The following POLR2F variants were observed in gnomAD, a reference collection of about 807,000 sequenced individuals.
The protein encoded by POLR2F is RNA polymerase II, I and III subunit F, also known as DNA-directed RNA polymerases I, II, and III subunit RPABC2.
In POLR2F, 12 loss-of-function variants were observed where a neutral mutation model predicts 22.7. The observed-to-expected ratio is 0.53, with a 90% CI of 0.34 to 0.86. The LOEUF (loss-of-function observed/expected upper bound fraction) is 0.86. POLR2F is among the 40% of genes least tolerant of loss of function. POLR2F has a pLI of 0.02. For missense variants in POLR2F, 126 were observed against 171.5 expected, an observed-to-expected ratio of 0.73 and a Z score of 1.48; for synonymous variants, 57 against 66.0, an observed-to-expected ratio of 0.86 and a Z score of 0.66.
intron 1 of POLR2F, among the ~76,000 whole-genome samples, chr22:38,020,980 T>A (rs1403253583): frequency 5.3e-5 from 8 of 152,184 alleles, no homozygotes; most frequent in Non-Finnish European, 1.0e-4. Flanking sequence ...GGTGTGAGGC[T>A]CTTTTGCGGT....
At chr22:37,958,746 C>T (rs889841129) in intron 2 of POLR2F, among the ~76,000 whole-genome samples, 5 of 152,174 alleles carry the variant, frequency 3.3e-5, no homozygotes, top group African/African-American at 9.7e-5. Flanking sequence ...AACTCTGTTG[C>T]ACCCTTCATA....
At chr22:37,989,854 C>G (rs1409345216) in intron 1 of POLR2F, among the ~76,000 whole-genome samples, 1 of 152,216 alleles carries the variant, frequency 6.6e-6, no homozygotes, top group African/African-American at 2.4e-5. Context: ...TTTGGGCCTG[C>G]TCCACCTTCC....
downstream of POLR2F, among the ~76,000 whole-genome samples, chr22:38,030,621 G>A (rs1167183739): frequency 2.6e-5 from 4 of 152,188 alleles, no homozygotes; most frequent in African/African-American, 9.7e-5. Context: ...GTTTGTCCAA[G>A]CCCAGGGGAC....
chr22:37,972,174 G>C, downstream of POLR2F: 1 of 952,864 alleles, frequency 1.0e-6, no homozygotes, highest in Non-Finnish European at 1.5e-6. Flanking sequence ...GGGAAAGAGG[G>C]AGGGAGGTGG....
intron 2 of POLR2F, chr22:38,026,163 G>A (rs770762449): frequency 1.9e-5 from 10 of 533,128 alleles, no homozygotes; most frequent in South Asian, 1.4e-4. Context: ...CGGGCACCAG[G>A]TTGGGGAGGA....
chr22:37,974,711 A>G lies in POLR2F; in HGVS notation c.293+7541A>G, dbSNP rs1251844134. On this transcript the variant is annotated intron_variant, in intron 4 of 4. Coordinates refer to the POLR2F transcript ENST00000405557. This position sits in a 1 kb window ranked among gnomAD's most constrained non-coding sequence, Gnocchi z 5.4. ...CTCTAGTTGTTTATGAAATTCTCAA[A>G]TCTTAGGGATGGGTCCTGGGGAGGC... 6.6e-6 allele frequency among the ~76,000 whole-genome samples: 1 copy of G among 152,098 alleles called. No individual in the cohort carries two copies. Among genetic ancestry groups the G allele is most frequent in the Non-Finnish European group, 1.5e-5 (1 of 68,010 alleles).
chr22:37,973,312 G>A, downstream of POLR2F: 1 of 569,452 alleles, frequency 1.8e-6, no homozygotes, highest in South Asian at 2.4e-5. Flanking sequence ...TTTGCTGCTG[G>A]AGCCTGGATG....
intron 1 of POLR2F, among the ~76,000 whole-genome samples, chr22:38,013,925 C>A (rs1295354309): frequency 2.0e-5 from 3 of 151,840 alleles, no homozygotes; most frequent in Admixed American, 6.6e-5. Context: ...GAGTTCAAGA[C>A]CAGCTTGACC....
chr22:38,030,565 A>G (rs1236730445), downstream of POLR2F, among the ~76,000 whole-genome samples: 1 of 152,122 alleles, frequency 6.6e-6, no homozygotes, highest in African/African-American at 2.4e-5. Context: ...GATCATTCCC[A>G]TGGTGCCCTG....
Position 37,967,177 on chromosome 22 carries a change from C to T in POLR2F, c.293+7C>T, listed in dbSNP as rs1005342303. On this transcript the variant is annotated splice_region_variant and intron_variant, in intron 4 of 4. Transcript: ENST00000442738. Reference sequence around the variant, plus strand: ...TTGCCATGAAGGAACTCAAGTAAGTCACTCAAATCATGGTTCACTTCTCCA... The same window carrying T: ...TTGCCATGAAGGAACTCAAGTAAGTTACTCAAATCATGGTTCACTTCTCCA... 2 of 1,611,664 alleles carry T rather than the reference C, an allele frequency of 1.2e-6. No homozygotes were observed. The highest frequency in any genetic ancestry group is 1.7e-5 in the Admixed American group (1 of 59,964).
upstream of POLR2F, chr22:37,986,141 A>G: frequency 6.6e-7 from 1 of 1,518,724 alleles, no homozygotes; most frequent in Non-Finnish European, 8.8e-7. This position sits in a 1 kb window ranked among gnomAD's most constrained non-coding sequence, Gnocchi z 4.7. Flanking sequence ...ACACATAAAA[A>G]GCTTTTTAAC....
In POLR2F at chr22:37,967,442, C is replaced by CCT. The variant is rs1931900789; in HGVS notation, c.294-180_294-179dup. On this transcript the variant is annotated intron_variant, in intron 4 of 4. Coordinates refer to ENST00000442738, the MANE Select transcript of POLR2F (RefSeq NM_021974.5). ...TTACCAATATTCTGTCATTCTTCCC[C>CCT]CTCTTGTCTGATATAAAAACTTTCT... 5 of 1,435,422 alleles carry CCT rather than the reference C, an allele frequency of 3.5e-6. No individual in the cohort carries two copies. In the African/African-American group the frequency reaches 4.3e-5, roughly 12 times the overall value. 88.9% of individuals were successfully genotyped at this position (1,435,422 alleles called of 1,614,324 possible).
chr22:38,010,492 A>G (rs999922930), intron 1 of POLR2F, among the ~76,000 whole-genome samples: 9 of 152,034 alleles, frequency 5.9e-5, no homozygotes, highest in African/African-American at 2.2e-4. Context: ...GCGAGGTTTC[A>G]GAGTTCCAGT....
At chr22:38,013,952 G>A (rs922895650) in intron 1 of POLR2F, among the ~76,000 whole-genome samples, 3 of 151,668 alleles carry the variant, frequency 2.0e-5, no homozygotes, top group Admixed American at 6.6e-5. Flanking sequence ...GAGAAACCCC[G>A]TCTCTACTAA....
chr22:38,020,127 T>G (rs1282323336), intron 1 of POLR2F, among the ~76,000 whole-genome samples: 4 of 151,270 alleles, frequency 2.6e-5, no homozygotes, highest in Admixed American at 1.3e-4. Context: ...GGTGGGAGGA[T>G]TGCTTGAGTC....
chr22:37,971,333 T>G (rs781357227), downstream of POLR2F: 84 of 470,574 alleles, frequency 1.8e-4, no homozygotes, highest in Non-Finnish European at 3.4e-4. Flanking sequence ...ACCTACCCCT[T>G]CACTGGCCTG....
upstream of POLR2F, chr22:37,983,670 C>T: frequency 1.3e-6 from 2 of 1,566,246 alleles, no homozygotes; most frequent in South Asian, 1.1e-5. This position sits in a 1 kb window ranked among gnomAD's most constrained non-coding sequence, Gnocchi z 9.5. Flanking sequence ...AGGCCCGATC[C>T]GCCGCCGCCG....
chr22:37,956,675 C>T (rs965790659), intron 1 of POLR2F, 98 bp from the exon 2 acceptor site: 42 of 990,276 alleles, frequency 4.2e-5, no homozygotes, highest in African/African-American at 2.2e-4. Flanking sequence ...CTTCAATCTC[C>T]GAAAGTACCA....
chr22:38,034,920 GATCCCACCCCAGCCTCCCCACCCCAC>G (rs1320545774), intron 5 of POLR2F, among the ~76,000 whole-genome samples: 2 of 152,098 alleles, frequency 1.3e-5, no homozygotes, highest in East Asian at 3.9e-4. Context: ...GGCTTTCCAG[GATCCCACCCCAGCCTCCCCACCCCAC>G]CTTGCTAGCC....
Sources: gnomAD v4.1 joint callset for allele counts (sites outside exome capture counted in the v4.1 genomes callset) on GRCh38, gnomAD v4.1.1 for gene constraint, Gnocchi (gnomAD v3.1) non-coding constraint, MANE v1.5 for transcripts, NCBI Gene and HGNC (gene_info 2026-07-23, HGNC 2026-07-21) for gene names.